Variants in LARGE1 observed in about 807,000 individuals in gnomAD.
The protein encoded by LARGE1 is LARGE xylosyl- and glucuronyltransferase 1, also known as xylosyl- and glucuronyltransferase LARGE1.
LARGE1 carries 43 observed loss-of-function variants against 87.6 expected under a neutral mutation model. That is an observed-to-expected ratio of 0.49 (90% CI 0.38 to 0.63). LARGE1 has a LOEUF of 0.63. LARGE1 is among the 30% of genes least tolerant of loss of function. LARGE1 has a pLI of 0.00. For synonymous variants in LARGE1, 434 were observed against 394.6 expected (o/e 1.10, Z -1.18); for missense variants, 802 against 1,000.2 (o/e 0.80, Z 2.67).
chr22:33,759,247 G>T (rs539459538), intron 2 of LARGE1, among the ~76,000 whole-genome samples: 1 of 152,322 alleles, frequency 6.6e-6, no homozygotes, highest in South Asian at 2.1e-4. Context: ...ATTTGGGTTG[G>T]CTTTCTGCCA....
At chr22:33,515,280 CCTT>C (rs1026414218) in intron 6 of LARGE1, among the ~76,000 whole-genome samples, 8 of 152,280 alleles carry the variant, frequency 5.3e-5, no homozygotes, top group East Asian at 1.9e-4. Flanking sequence ...TCCAAATACT[CCTT>C]CTTTTACAGC....
intron 7 of LARGE1, among the ~76,000 whole-genome samples, chr22:33,395,766 A>G (rs1014636474): frequency 1.3e-5 from 2 of 152,202 alleles, no homozygotes; most frequent in Admixed American, 1.3e-4. Flanking sequence ...TAAACTCAGT[A>G]CTTCTCACAG....
intron 2 of LARGE1, among the ~76,000 whole-genome samples, chr22:33,697,549 CAAAAAAA>C (rs3072289): frequency 4.6e-4 from 25 of 54,120 alleles, no homozygotes; most frequent in African/African-American, 1.7e-3. Flanking sequence ...GACTCTGTCC[CAAAAAAA>C]AAAAAAAAAA....
intron 2 of LARGE1, among the ~76,000 whole-genome samples, chr22:33,683,939 C>G (rs1317722913): frequency 6.6e-6 from 1 of 152,146 alleles, no homozygotes; most frequent in Non-Finnish European, 1.5e-5. Context: ...TGGTCCATGG[C>G]AGCAATCTCA....
At chr22:33,570,843 C>T (rs891872506) in intron 5 of LARGE1, among the ~76,000 whole-genome samples, 1 of 151,900 alleles carries the variant, frequency 6.6e-6, no homozygotes, top group Non-Finnish European at 1.5e-5. Flanking sequence ...CATTTCCATG[C>T]CGCAACACAC....
Position 33,333,828 on chromosome 22 carries a change from GA to G in LARGE1, c.1287+3817del, listed in dbSNP as rs538318378. Among the ~76,000 whole-genome samples the G allele has an allele frequency of 5.2e-3, 788 of 152,220 alleles. 8 individuals are homozygous for G. Among genetic ancestry groups the G allele is most frequent in the Admixed American group, 9.2e-3 (140 of 15,280 alleles). On this transcript the variant is annotated intron_variant, in intron 10 of 14. Transcript: ENST00000397394. The stretch of plus-strand genomic sequence containing the variant: ...ACAGGAGTAGATGCTCTGACAAAAA[GA>G]AAACAGGGGCTGGGTGCAGTGGCTC...
chr22:33,792,027 A>G (rs1307484965), intron 1 of LARGE1, among the ~76,000 whole-genome samples: 1 of 152,174 alleles, frequency 6.6e-6, no homozygotes. Flanking sequence ...ATGCCCAGAG[A>G]GCCTAAATGC....
chr22:33,332,135 G>T lies in LARGE1; in HGVS notation c.1287+5511C>A, dbSNP rs113275189. Among the ~76,000 whole-genome samples the T allele has an allele frequency of 2.0e-5, 3 of 152,210 alleles. No individual in the cohort carries two copies. In the East Asian group the frequency reaches 5.8e-4, roughly 29 times the overall value. On this transcript the variant is annotated intron_variant, in intron 10 of 14. Coordinates refer to ENST00000397394, the MANE Select transcript of LARGE1 (RefSeq NM_133642.5). ...ATCAGCTGGGTGGATGATATGGTTTGGCTGTGTCCCCACCCAAATCTCATC... is the reference window on the plus strand; with the variant it reads ...ATCAGCTGGGTGGATGATATGGTTTTGCTGTGTCCCCACCCAAATCTCATC...
At chr22:33,224,611 A>T (rs545339407) in intron 11 of LARGE1, among the ~76,000 whole-genome samples, 53 of 152,296 alleles carry the variant, frequency 3.5e-4, no homozygotes, top group African/African-American at 1.3e-3. Context: ...CACATATCAC[A>T]CTTTGAGTAG....
chr22:33,440,093 C>T (rs1044741075), intron 6 of LARGE1, among the ~76,000 whole-genome samples: 4 of 152,164 alleles, frequency 2.6e-5, no homozygotes, highest in Non-Finnish European at 5.9e-5. Flanking sequence ...TACCTAGCCA[C>T]AGAAATGTTT....
intron 1 of LARGE1, among the ~76,000 whole-genome samples, chr22:33,791,283 A>G (rs2145985377): frequency 6.6e-6 from 1 of 152,344 alleles, no homozygotes; most frequent in Middle Eastern, 3.4e-3. Context: ...GGCCAAAAAA[A>G]TTAAAAAAGA....
intron 11 of LARGE1, among the ~76,000 whole-genome samples, chr22:33,201,777 A>G (rs556246524): frequency 1.3e-5 from 2 of 152,326 alleles, no homozygotes; most frequent in African/African-American, 2.4e-5. Flanking sequence ...AGCTTTTACC[A>G]TGAACGAAAT....
At chr22:33,572,231 T>C (rs2043347361) in intron 5 of LARGE1, 21 of 1,280,108 alleles carry the variant, frequency 1.6e-5, no homozygotes, top group Non-Finnish European at 1.9e-5. Context: ...TGCAGAATGT[T>C]TGAAAAGTCA....
chr22:33,381,922 T>C lies in LARGE1; in HGVS notation c.1128A>G (p.Leu376=). The C allele has an allele frequency of 6.2e-7, 1 of 1,614,010 alleles. No homozygotes were observed. Among genetic ancestry groups the C allele is most frequent in the Non-Finnish European group, 8.5e-7 (1 of 1,179,990 alleles). ...SEQCYRDVSD[L]KVIHWNSPKK... ...GATGTCCCTGTGTTGACCCTACCTT[T>C]AGATCAGACACGTCTCTGTAGCACT... Residue 376 remains leucine (L), a synonymous_variant, in exon 9 of 15, where the codon CTA becomes CTG. Transcript: ENST00000397394.
chr22:33,110,667 A>G, the LARGE1 span: 1 of 152,252 alleles, frequency 6.6e-6, no homozygotes, highest in Non-Finnish European at 1.5e-5. Context: ...CACAGTTCGC[A>G]CAGCGCGGAA....
At chr22:33,895,586 G>C (rs550717299) in intron 1 of LARGE1, among the ~76,000 whole-genome samples, 1 of 152,284 alleles carries the variant, frequency 6.6e-6, no homozygotes, top group African/African-American at 2.4e-5. Flanking sequence ...CCTTGTGCCT[G>C]AGGTCCTTGC....
intron 6 of LARGE1, among the ~76,000 whole-genome samples, chr22:33,445,176 T>C (rs1332590121): frequency 6.6e-6 from 1 of 152,164 alleles, no homozygotes; most frequent in East Asian, 1.9e-4. Flanking sequence ...TTAGGGCCTA[T>C]CTTCATGTCT....
intron 11 of LARGE1, among the ~76,000 whole-genome samples, chr22:33,197,759 G>T (rs73395960): frequency 0.032 from 4,842 of 152,072 alleles, 271 homozygotes; most frequent in African/African-American, 0.11. Context: ...AGCCCAAAAG[G>T]CTTTTCAGAG....
At chr22:33,126,128 A>C in the LARGE1 span, among the ~76,000 whole-genome samples, 1 of 152,176 alleles carries the variant, frequency 6.6e-6, no homozygotes. Flanking sequence ...ATATATGAAG[A>C]GCTGTTATAT....
Sources: gnomAD v4.1 joint callset for allele counts (sites outside exome capture counted in the v4.1 genomes callset) on GRCh38, gnomAD v4.1.1 for gene constraint, MANE v1.5 for transcripts, NCBI Gene and HGNC (gene_info 2026-07-23, HGNC 2026-07-21) for gene names.